The following ABLIM1 variants were observed in gnomAD, a reference collection of about 807,000 sequenced individuals.
ABLIM1 encodes actin binding LIM protein 1, also known as actin-binding LIM protein 1.
A neutral mutation model predicts 107.0 loss-of-function variants in ABLIM1; 40 were observed. The observed-to-expected ratio is 0.37, with a 90% CI of 0.29 to 0.49. The LOEUF is 0.49. Among genes scored for constraint, ABLIM1 ranks in the 20% least tolerant of loss-of-function variants. The pLI is 0.97. For synonymous variants in ABLIM1, 357 were observed against 357.3 expected (o/e 1.00, Z 0.01); for missense variants, 857 against 1,008.5 (o/e 0.85, Z 2.04).
chr10:114,559,631 G>A (rs2069369381), intron 4 of ABLIM1, among the ~76,000 whole-genome samples: 2 of 152,080 alleles, frequency 1.3e-5, no homozygotes, highest in Non-Finnish European at 1.5e-5. Flanking sequence ...CTTCCCTGTG[G>A]GCTTAGAGCA....
chr10:114,634,660 T>C (rs951222804), intron 1 of ABLIM1, among the ~76,000 whole-genome samples: 2 of 152,106 alleles, frequency 1.3e-5, no homozygotes, highest in African/African-American at 4.8e-5. Flanking sequence ...AAATACTACA[T>C]AGTGGTTCAG....
chr10:114,725,471 G>A (rs377467555), intron 1 of ABLIM1, among the ~76,000 whole-genome samples: 2 of 152,108 alleles, frequency 1.3e-5, no homozygotes, highest in African/African-American at 2.4e-5. Flanking sequence ...AACCCCAAGG[G>A]AGATTATCAA....
chr10:114,537,486 A>T (rs906793111), intron 6 of ABLIM1, among the ~76,000 whole-genome samples: 3 of 152,172 alleles, frequency 2.0e-5, no homozygotes, highest in Admixed American at 6.5e-5. Flanking sequence ...GCATGTTTGT[A>T]TCCATTCACC....
chr10:114,748,413 C>T (rs966553871), intron 1 of ABLIM1, among the ~76,000 whole-genome samples: 4 of 152,204 alleles, frequency 2.6e-5, no homozygotes, highest in Admixed American at 2.6e-4. Context: ...TACTGTCAGA[C>T]ACACAGAGCC....
the ABLIM1 span, among the ~76,000 whole-genome samples, chr10:114,789,892 A>G: frequency 1.3e-5 from 2 of 151,790 alleles, no homozygotes; most frequent in African/African-American, 2.4e-5. Flanking sequence ...TCCTGGGTTC[A>G]AGCGATTCTC....
At chr10:114,668,487 T>C (rs1436083651) in intron 1 of ABLIM1, among the ~76,000 whole-genome samples, 2 of 152,092 alleles carry the variant, frequency 1.3e-5, no homozygotes, top group Non-Finnish European at 2.9e-5. Context: ...GGGAAATCAA[T>C]CTTTCTTTCT....
chr10:114,644,354 A>ATATATATATATATATGTGTATATATTG (rs2078918641), intron 1 of ABLIM1, among the ~76,000 whole-genome samples: 1 of 136,820 alleles, frequency 7.3e-6, no homozygotes, highest in Non-Finnish European at 1.5e-5. Context: ...ATATATACAT[A>ATATATATATATATATGTGTATATATTG]TATATATACA....
intron 8 of ABLIM1, among the ~76,000 whole-genome samples, chr10:114,479,046 G>C (rs1330402876): frequency 6.6e-6 from 1 of 152,184 alleles, no homozygotes; most frequent in Non-Finnish European, 1.5e-5. Context: ...GGCTCTACTA[G>C]TTGTTTGATG....
intron 1 of ABLIM1, among the ~76,000 whole-genome samples, chr10:114,667,314 C>G (rs1013984687): frequency 6.6e-6 from 1 of 152,022 alleles, no homozygotes; most frequent in African/African-American, 2.4e-5. Context: ...CCATGTAGTC[C>G]CAAAAACAGT....
upstream of ABLIM1, among the ~76,000 whole-genome samples, chr10:114,689,364 G>GTTTTT (rs35878862): frequency 3.0e-5 from 4 of 132,632 alleles, 1 homozygote; most frequent in South Asian, 2.4e-4. Flanking sequence ...TTGTATATTG[G>GTTTTT]TTTTTTTTTT....
chr10:114,508,267 C>T (rs1590662047), intron 6 of ABLIM1, among the ~76,000 whole-genome samples: 1 of 152,306 alleles, frequency 6.6e-6, no homozygotes, highest in Admixed American at 6.5e-5. Flanking sequence ...AGTCAGGAAA[C>T]CTGGGTCCTA....
chr10:114,614,428 T>G (rs928361402), intron 1 of ABLIM1, among the ~76,000 whole-genome samples: 9 of 151,976 alleles, frequency 5.9e-5, no homozygotes, highest in Non-Finnish European at 1.3e-4. Flanking sequence ...ACCTTATTAA[T>G]GCATGCCATC....
At position 114,547,752 on chromosome 10, in the gene ABLIM1, A is replaced by C; in HGVS notation, c.698T>G (p.Ile233Ser). 1.2e-6 allele frequency: 2 copies of C among 1,611,264 alleles called. No homozygotes were observed. Among genetic ancestry groups the C allele is most frequent in the Non-Finnish European group, 1.7e-6 (2 of 1,180,004 alleles). ...CGCCAGCAGCGCCTGCCCATTCTTG[A>C]TATCTCTTCCGCAGCCGGCACAATC... ...SSNCAGCGRD[I>S]KNGQALLALD... The change falls in exon 5 of 23, where the codon ATC becomes AGC. Residue 233 changes from isoleucine (I) to serine (S), a missense_variant. Physicochemically the swap from Ile to Ser is moderately radical, Grantham distance 142. Coordinates refer to ENST00000533213, the MANE Select transcript of ABLIM1 (RefSeq NM_002313.7).
intron 1 of ABLIM1, among the ~76,000 whole-genome samples, chr10:114,720,405 A>C (rs946621512): frequency 2.6e-5 from 4 of 152,174 alleles, no homozygotes; most frequent in Admixed American, 2.6e-4. Context: ...GGGATTGTTG[A>C]GTCAAATGGT....
chr10:114,651,600 C>T (rs2079246569), intron 1 of ABLIM1, among the ~76,000 whole-genome samples: 1 of 152,050 alleles, frequency 6.6e-6, no homozygotes, highest in Non-Finnish European at 1.5e-5. Flanking sequence ...CCGTCAAGAG[C>T]TTGAAACGTA....
At chr10:114,533,186 C>T (rs2137035288) in intron 6 of ABLIM1, among the ~76,000 whole-genome samples, 1 of 151,966 alleles carries the variant, frequency 6.6e-6, no homozygotes, top group South Asian at 2.1e-4. Flanking sequence ...GTAAAAAACA[C>T]AAAAATTAGC....
intron 6 of ABLIM1, among the ~76,000 whole-genome samples, chr10:114,540,276 C>T (rs899203593): frequency 2.6e-5 from 4 of 152,248 alleles, no homozygotes; most frequent in Middle Eastern, 3.4e-3. Flanking sequence ...GAAGGGACTC[C>T]GGGAGGTCTA....
intron 14 of ABLIM1, among the ~76,000 whole-genome samples, chr10:114,449,889 C>T (rs1232323039): frequency 6.6e-6 from 1 of 152,080 alleles, no homozygotes; most frequent in Non-Finnish European, 1.5e-5. Context: ...TCTGGCTGGG[C>T]TATTTTTAAT....
At chr10:114,719,889 A>C (rs1257071159) in intron 1 of ABLIM1, among the ~76,000 whole-genome samples, 2 of 152,226 alleles carry the variant, frequency 1.3e-5, no homozygotes, top group African/African-American at 4.8e-5. Flanking sequence ...AGCCATGAAG[A>C]AGTGTCTATG....
Sources: gnomAD v4.1 joint callset for allele counts (sites outside exome capture counted in the v4.1 genomes callset) on GRCh38, gnomAD v4.1.1 for gene constraint, MANE v1.5 for transcripts, NCBI Gene and HGNC (gene_info 2026-07-23, HGNC 2026-07-21) for gene names.